The following PDZRN4 variants were observed in gnomAD, a reference collection of about 807,000 sequenced individuals.
The protein encoded by PDZRN4 is PDZ domain containing ring finger 4.
A neutral mutation model predicts 99.0 loss-of-function variants in PDZRN4; 70 were observed. That is an observed-to-expected ratio of 0.71 (90% CI 0.58 to 0.86). PDZRN4 has a LOEUF of 0.86. PDZRN4 is among the 40% of genes least tolerant of loss of function. PDZRN4 has a pLI of 0.00. For missense variants in PDZRN4, 1,474 were observed against 1,331.2 expected, an observed-to-expected ratio of 1.11 and a Z score of -1.67; for synonymous variants, 551 against 501.6, an observed-to-expected ratio of 1.10 and a Z score of -1.32.
rs776899055 is a variant in PDZRN4, at chr12:41,191,556, TG to T, written c.735+13del. On this transcript the variant is annotated intron_variant, in intron 2 of 9. Transcript: ENST00000402685. Reference sequence around the variant, plus strand: ...GTCGACCAAATCAGGTAAAACACCTTGTTAATGCATTACTCGTTACTTATAA... The same window carrying T: ...GTCGACCAAATCAGGTAAAACACCTTTTAATGCATTACTCGTTACTTATAA... 1 of 1,162,258 alleles carries T rather than the reference TG, an allele frequency of 8.6e-7. No individual in the cohort carries two copies. Among genetic ancestry groups the T allele is most frequent in the South Asian group, 1.2e-5 (1 of 80,574 alleles). The allele number at this position is 1,162,258 out of a possible 1,614,324, so 72.0% of individuals were successfully genotyped here.
chr12:41,202,523 A>G (rs1436820547), intron 3 of PDZRN4, among the ~76,000 whole-genome samples: 3 of 152,072 alleles, frequency 2.0e-5, no homozygotes, highest in Non-Finnish European at 4.4e-5. Flanking sequence ...TCTTAAGCCT[A>G]TGAATTATTA....
At chr12:41,392,700 T>C (rs927549734) in intron 3 of PDZRN4, among the ~76,000 whole-genome samples, 1 of 152,192 alleles carries the variant, frequency 6.6e-6, no homozygotes, top group African/African-American at 2.4e-5. Context: ...ATTTGGGGTA[T>C]GTAGGAGCAC....
intron 3 of PDZRN4, among the ~76,000 whole-genome samples, chr12:41,305,269 A>G (rs1307033735): frequency 6.6e-6 from 1 of 152,216 alleles, no homozygotes; most frequent in Non-Finnish European, 1.5e-5. Context: ...CTACTGCATC[A>G]TTGGAAACCT....
intron 3 of PDZRN4, among the ~76,000 whole-genome samples, chr12:41,210,391 G>A (rs1370576299): frequency 6.6e-6 from 1 of 151,536 alleles, no homozygotes; most frequent in Non-Finnish European, 1.5e-5. Flanking sequence ...GTTGGTCAAT[G>A]GCAAGTTTTC....
chr12:41,224,482 A>C (rs1950980149), intron 3 of PDZRN4, among the ~76,000 whole-genome samples: 1 of 152,186 alleles, frequency 6.6e-6, no homozygotes, highest in Admixed American at 6.6e-5. Flanking sequence ...TGTGCATGAC[A>C]CTTGATAAAC....
chr12:41,193,737 C>A (rs146586241), intron 2 of PDZRN4, among the ~76,000 whole-genome samples: 107 of 152,264 alleles, frequency 7.0e-4, no homozygotes, highest in African/African-American at 2.4e-3. Context: ...ACCTTATCAC[C>A]CTTTTACTTG....
At chr12:41,211,049 A>C (rs555530178) in intron 3 of PDZRN4, among the ~76,000 whole-genome samples, 1 of 152,130 alleles carries the variant, frequency 6.6e-6, no homozygotes, top group East Asian at 1.9e-4. Flanking sequence ...AGAGAATACA[A>C]ATAAATCTTA....
At chr12:41,531,182 C>T (rs1938655394) in intron 5 of PDZRN4, among the ~76,000 whole-genome samples, 1 of 152,102 alleles carries the variant, frequency 6.6e-6, no homozygotes, top group African/African-American at 2.4e-5. Flanking sequence ...CACACCTGGG[C>T]TTGGAGAATG....
rs371618785 is a variant in PDZRN4 at position 41,506,535 on chromosome 12, T to C, written c.923T>C (p.Val308Ala). Reference protein sequence around the residue: ...AFRNAKEPIVVQVLRRTPLSR... With the variant: ...AFRNAKEPIVAQVLRRTPLSR... ...CGCAATGCCAAGGAGCCCATTGTGGTGCAGGTGTTAAGGCGAACACCTCTT... is the reference window on the plus strand; with the variant it reads ...CGCAATGCCAAGGAGCCCATTGTGGCGCAGGTGTTAAGGCGAACACCTCTT... Residue 308 changes from valine to alanine, a missense_variant, in exon 4 of 10, where the codon GTG becomes GCG. Coordinates refer to ENST00000402685, the MANE Select transcript of PDZRN4 (RefSeq NM_001164595.2). 4.3e-5 allele frequency: 69 copies of C among 1,613,658 alleles called. No individual in the cohort carries two copies. The highest frequency in any genetic ancestry group is 5.0e-5 in the Non-Finnish European group (59 of 1,179,828).
At chr12:41,543,800 G>T in intron 5 of PDZRN4, among the ~76,000 whole-genome samples, 1 of 152,148 alleles carries the variant, frequency 6.6e-6, no homozygotes, top group Admixed American at 6.5e-5. Context: ...TCATGAACCT[G>T]ATTTTGATGG....
intron 3 of PDZRN4, among the ~76,000 whole-genome samples, chr12:41,334,175 AC>A (rs1479013064): frequency 6.6e-6 from 1 of 152,082 alleles, no homozygotes; most frequent in Admixed American, 6.6e-5. Context: ...AGCTCCTATA[AC>A]AAGGTCTTTG....
At chr12:41,295,250 A>T (rs935001720) in intron 3 of PDZRN4, among the ~76,000 whole-genome samples, 1 of 152,168 alleles carries the variant, frequency 6.6e-6, no homozygotes, top group African/African-American at 2.4e-5. Context: ...CATGAAAATT[A>T]AAAAAAGGAT....
chr12:41,337,092 T>G (rs1187837380), intron 3 of PDZRN4, among the ~76,000 whole-genome samples: 1 of 152,082 alleles, frequency 6.6e-6, no homozygotes, highest in East Asian at 1.9e-4. Context: ...AGGGCTGTTA[T>G]CAATTTTGTT....
At chr12:41,264,035 A>G (rs529982637) in intron 3 of PDZRN4, among the ~76,000 whole-genome samples, 41 of 152,308 alleles carry the variant, frequency 2.7e-4, no homozygotes, top group African/African-American at 8.7e-4. Context: ...TGAAAATATA[A>G]AAGTATAGTT....
chr12:41,473,930 T>G (rs538325233), intron 3 of PDZRN4, among the ~76,000 whole-genome samples: 84 of 152,316 alleles, frequency 5.5e-4, no homozygotes, highest in Non-Finnish European at 1.0e-3. Context: ...AAACCTTCAC[T>G]GAAAATGGGT....
chr12:41,188,824 C>G lies in PDZRN4; in HGVS notation c.369C>G (p.Gly123=). The G allele has an allele frequency of 7.6e-7, 1 of 1,321,544 alleles. No individual in the cohort carries two copies. 81.9% of individuals were successfully genotyped at this position (1,321,544 alleles called of 1,614,324 possible). ...GCGGGGGCTGCGCTTCGGGGCTGGG[C>G]GGTGGTGAGGTGCCCGCGCGGGGGG... The part of the protein sequence containing the change: ...RSRGGCASGL[G]GGEVPARGGC... Residue 123 remains glycine (G), a synonymous_variant, in exon 1 of 10, where the codon GGC becomes GGG. Coordinates refer to ENST00000402685, the MANE Select transcript of PDZRN4 (RefSeq NM_001164595.2).
intron 3 of PDZRN4, among the ~76,000 whole-genome samples, chr12:41,289,003 G>A (rs1951439309): frequency 6.6e-6 from 1 of 151,478 alleles, no homozygotes; most frequent in Admixed American, 6.6e-5. Flanking sequence ...ACAAAGATCT[G>A]AAAAAAAATT....
At chr12:41,287,651 C>T (rs1440154084) in intron 3 of PDZRN4, among the ~76,000 whole-genome samples, 1 of 152,144 alleles carries the variant, frequency 6.6e-6, no homozygotes, top group Admixed American at 6.5e-5. Flanking sequence ...GAGTTAGGCA[C>T]TTCACCATCT....
chr12:41,293,204 A>ATTG (rs530668669), intron 3 of PDZRN4, among the ~76,000 whole-genome samples: 47 of 137,602 alleles, frequency 3.4e-4, no homozygotes, highest in African/African-American at 1.2e-3. Flanking sequence ...ACCTCAATGC[A>ATTG]AGGTGGGGCT....
Sources: gnomAD v4.1 joint callset for allele counts (sites outside exome capture counted in the v4.1 genomes callset) on GRCh38, gnomAD v4.1.1 for gene constraint, MANE v1.5 for transcripts, NCBI Gene and HGNC (gene_info 2026-07-23, HGNC 2026-07-21) for gene names.